Variants in FLT1 observed in about 807,000 individuals in gnomAD.
The protein encoded by FLT1 is vascular endothelial growth factor receptor 1.
A neutral mutation model predicts 156.3 loss-of-function variants in FLT1; 49 were observed. The ratio of observed to expected loss-of-function variants is 0.31; its 90% CI spans 0.25 to 0.40. The LOEUF is 0.40. FLT1 is among the 10% of genes least tolerant of loss of function. The pLI is 1.00. For missense variants in FLT1, 1,322 were observed against 1,637.2 expected, an observed-to-expected ratio of 0.81 and a Z score of 3.32; for synonymous variants, 594 against 583.8, an observed-to-expected ratio of 1.02 and a Z score of -0.25.
At chr13:28,412,385 TTTC>T (rs1876327725) in intron 10 of FLT1, among the ~76,000 whole-genome samples, 76 of 84,940 alleles carry the variant, frequency 8.9e-4, no homozygotes, top group East Asian at 2.9e-3. Context: ...TCTTTCTTTC[TTTC>T]TTTCTTTCTT....
intron 17 of FLT1, among the ~76,000 whole-genome samples, chr13:28,336,497 G>A (rs1176533909): frequency 6.6e-6 from 1 of 152,166 alleles, no homozygotes; most frequent in East Asian, 1.9e-4. Flanking sequence ...TACAATGCAA[G>A]GATATTGGAA....
chr13:28,306,839 G>T, intron 28 of FLT1, 67 bp from the exon 29 acceptor site: 1 of 997,640 alleles, frequency 1.0e-6, no homozygotes, highest in South Asian at 1.3e-5. Flanking sequence ...GAGCCTGAGG[G>T]ATGATCCTGG....
intron 7 of FLT1, 51 bp downstream of exon 7, chr13:28,431,085 T>C (rs773336865): frequency 1.4e-6 from 2 of 1,464,020 alleles, no homozygotes; most frequent in Non-Finnish European, 1.9e-6. Context: ...CACAGACATC[T>C]ACAATGATTA....
chr13:28,454,156 C>G (rs908561549), intron 3 of FLT1, among the ~76,000 whole-genome samples: 1 of 152,128 alleles, frequency 6.6e-6, no homozygotes, highest in Non-Finnish European at 1.5e-5. Flanking sequence ...AAACTGCAGG[C>G]CCCTTAAAAG....
At chr13:28,304,322 C>T (rs1388135759) in intron 29 of FLT1, among the ~76,000 whole-genome samples, 1 of 152,148 alleles carries the variant, frequency 6.6e-6, no homozygotes, top group Non-Finnish European at 1.5e-5. Context: ...TAACTCAATT[C>T]TAATACCACT....
At chr13:28,396,040 A>G (rs1875024592) in intron 12 of FLT1, among the ~76,000 whole-genome samples, 1 of 152,222 alleles carries the variant, frequency 6.6e-6, no homozygotes, top group African/African-American at 2.4e-5. Context: ...AAAATACAAG[A>G]GCTATGATGC....
Position 28,412,940 on chromosome 13 carries a change from A to AGCGTTG in FLT1, c.1437-7047_1437-7046insCAACGC, listed in dbSNP as rs1876399625. 2.0e-5 allele frequency among the ~76,000 whole-genome samples: 3 copies of AGCGTTG among 152,148 alleles called. No individual in the cohort carries two copies. In the South Asian group the frequency reaches 6.2e-4, roughly 32 times the overall value. On this transcript the variant is annotated intron_variant, in intron 10 of 29. Transcript: ENST00000282397. ...AGGCGTAGCATTGGAAGGAGTGTTT[A>AGCGTTG]GACAGAATGGTTCCTGCTCCTCTTG...
intron 10 of FLT1, among the ~76,000 whole-genome samples, chr13:28,424,250 T>C (rs1877195051): frequency 6.6e-6 from 1 of 152,050 alleles, no homozygotes; most frequent in African/African-American, 2.4e-5. Flanking sequence ...CACTTTCCTT[T>C]TTTTAATTAA....
Position 28,433,822 on chromosome 13 carries a change from A to G in FLT1, c.810T>C (p.Asp270=). 6.2e-7 allele frequency: 1 copy of G among 1,613,938 alleles called. No individual in the cohort carries two copies. The highest frequency in any genetic ancestry group is 1.1e-5 in the South Asian group (1 of 91,074). ...AATAGAAAAATGGGTCACTCACTTC[A>G]TCAGGGTAACTCCAGGTCATTTGAA... The part of the protein sequence containing the change: ...TRVQMTWSYP[D]EKNKRASVRR... Residue 270 remains aspartate (D), a synonymous_variant, in exon 6 of 30, where the codon GAT becomes GAC. Coordinates refer to ENST00000282397, the MANE Select transcript of FLT1 (RefSeq NM_002019.4).
At chr13:28,357,772 T>C in intron 14 of FLT1, 87 bp from the exon 15 acceptor site, 1 of 1,253,920 alleles carries the variant, frequency 8.0e-7, no homozygotes, top group Non-Finnish European at 1.2e-6. Flanking sequence ...TTCCTATCAT[T>C]ATGCATTCAG....
At chr13:28,467,303 A>G (rs1465293441) in intron 2 of FLT1, among the ~76,000 whole-genome samples, 174 bp from the exon 3 acceptor site, 2 of 152,152 alleles carry the variant, frequency 1.3e-5, no homozygotes, top group Non-Finnish European at 2.9e-5. Flanking sequence ...CTCAGAATAA[A>G]GATGCAGAAC....
At chr13:28,374,824 T>C (rs1172009116) in intron 14 of FLT1, among the ~76,000 whole-genome samples, 1 of 152,098 alleles carries the variant, frequency 6.6e-6, no homozygotes, top group Non-Finnish European at 1.5e-5. Context: ...TCCTATTTCT[T>C]ATGTCCTAAA....
chr13:28,369,826 C>T (rs966831872), intron 14 of FLT1, among the ~76,000 whole-genome samples: 73 of 152,106 alleles, frequency 4.8e-4, no homozygotes, highest in African/African-American at 1.6e-3. Context: ...CCTGATAAGA[C>T]GATTTACGCT....
At chr13:28,401,741 T>C (rs571923710) in intron 11 of FLT1, among the ~76,000 whole-genome samples, 1 of 152,118 alleles carries the variant, frequency 6.6e-6, no homozygotes. Context: ...TTAGAAAAAA[T>C]TGGGGTGTGT....
intron 10 of FLT1, among the ~76,000 whole-genome samples, chr13:28,414,143 G>T (rs1876502470): frequency 6.6e-6 from 1 of 152,206 alleles, no homozygotes; most frequent in Non-Finnish European, 1.5e-5. Flanking sequence ...CCTACTATTA[G>T]TGTCCCGCAG....
chr13:28,495,011 G>A lies in FLT1; in HGVS notation c.-168C>T. 2.0e-6 allele frequency: 1 copy of A among 512,098 alleles called. No homozygotes were observed. The highest frequency in any genetic ancestry group is 3.3e-6 in the Non-Finnish European group (1 of 303,012). 31.7% of individuals were successfully genotyped at this position (512,098 alleles called of 1,614,324 possible). A position where few individuals can be genotyped will look rare whatever the true frequency, so the allele number is the denominator to read the frequency against. On this transcript the variant is annotated 5_prime_UTR_variant, in exon 1 of 30. Transcript: ENST00000282397. This position sits in a 1 kb window ranked among gnomAD's most constrained non-coding sequence, Gnocchi z 4.1. ...CTTCCCCGGGTAATCCTCGCCGCCA[G>A]GCGCCCGCTGGCCGCTGCACCCGAG...
intron 15 of FLT1, among the ~76,000 whole-genome samples, chr13:28,351,356 T>A (rs1872730023): frequency 6.6e-6 from 1 of 152,204 alleles, no homozygotes; most frequent in Non-Finnish European, 1.5e-5. Context: ...TCAGAGGAAG[T>A]CTCAATAAAG....
Position 28,308,869 on chromosome 13 carries a change from A to G in FLT1, c.3694T>C (p.Leu1232=), listed in dbSNP as rs1870863919. The change falls in exon 28 of 30, where the codon TTA becomes CTA. Residue 1232 remains leucine, a synonymous_variant. Transcript: ENST00000282397. ...LERIKTFEEL[L]PNATSMFDDY... ...TCAAACATGGAGGTGGCATTCGGTA[A>G]AAGTTCTTCAAAGGTTTTGATTCTT... is the stretch of plus-strand genomic sequence containing the variant. 1 of 1,612,836 alleles carries G rather than the reference A, an allele frequency of 6.2e-7. No homozygotes were observed. The highest frequency in any genetic ancestry group is 2.2e-5 in the East Asian group (1 of 44,880).
chr13:28,386,006 C>T (rs192604640), intron 13 of FLT1: 5 of 1,052,028 alleles, frequency 4.8e-6, no homozygotes, highest in Admixed American at 1.1e-4. Flanking sequence ...TTCCTTTCCC[C>T]TCTTGTTGGA....
Sources: allele counts gnomAD v4.1 joint callset (sites outside exome capture counted in the v4.1 genomes callset), GRCh38; gene constraint gnomAD v4.1.1; non-coding constraint Gnocchi (gnomAD v3.1); transcripts MANE v1.5; gene names NCBI Gene and HGNC (gene_info 2026-07-23, HGNC 2026-07-21).